The following PTCHD4 variants were observed in gnomAD, a reference collection of about 807,000 sequenced individuals.
PTCHD4 encodes the protein patched domain containing 4, also known as patched domain-containing protein 4.
Under a neutral mutation model 58.1 loss-of-function variants are expected in PTCHD4, and 33 were observed. That is an observed-to-expected ratio of 0.57 (90% confidence interval 0.43 to 0.76). PTCHD4 has a LOEUF of 0.76. Among genes scored for constraint, PTCHD4 ranks in the 30% least tolerant of loss-of-function variants. PTCHD4 has a pLI of 0.00. For missense variants in PTCHD4, 1,058 were observed against 1,027.1 expected (o/e 1.03, Z -0.41); for synonymous variants, 478 against 409.6 (o/e 1.17, Z -2.02).
intron 3 of PTCHD4, among the ~76,000 whole-genome samples, chr6:48,050,762 A>G (rs549038866): frequency 2.6e-5 from 4 of 152,120 alleles, no homozygotes; most frequent in Admixed American, 2.0e-4. Flanking sequence ...CAAAAAATTT[A>G]AAGAAAGAGA....
intron 4 of PTCHD4, among the ~76,000 whole-genome samples, chr6:47,915,002 C>T (rs763882439): frequency 6.6e-6 from 1 of 152,020 alleles, no homozygotes; most frequent in Non-Finnish European, 1.5e-5. Context: ...CTTCCTGAAT[C>T]TTTATGAGAA....
intron 3 of PTCHD4, among the ~76,000 whole-genome samples, chr6:48,047,559 T>G (rs618543): frequency 0.87 from 131,516 of 151,768 alleles, 56,966 homozygotes; most frequent in Middle Eastern, 0.88. Context: ...CAACTTGGTT[T>G]AACTGAGCTG....
At chr6:47,895,155 C>T (rs1285424357) in intron 4 of PTCHD4, among the ~76,000 whole-genome samples, 1 of 150,698 alleles carries the variant, frequency 6.6e-6, no homozygotes, top group African/African-American at 2.4e-5. Context: ...AAAAAAGAAA[C>T]AATAATAAAA....
intron 4 of PTCHD4, among the ~76,000 whole-genome samples, chr6:47,882,741 GAT>G (rs1554149146): frequency 2.7e-4 from 28 of 102,338 alleles, no homozygotes; most frequent in Admixed American, 6.0e-4. Context: ...TGATTCCAGT[GAT>G]ATATATATAT....
At chr6:47,920,025 C>T (rs1437252001) in intron 4 of PTCHD4, among the ~76,000 whole-genome samples, 1 of 152,062 alleles carries the variant, frequency 6.6e-6, no homozygotes, top group African/African-American at 2.4e-5. Context: ...CTTGAAGGAA[C>T]CCGGTCCCTG....
Position 47,907,594 on chromosome 6 carries a change from C to T in PTCHD4, c.899-27658G>A, listed in dbSNP as rs571880245. Among the ~76,000 whole-genome samples, 5 of 152,306 alleles carry T rather than the reference C, an allele frequency of 3.3e-5. No homozygotes were observed. The South Asian group carries it at 1.0e-3, about 32-fold the overall frequency. ...TGGAGAAGCCCATGACTTGGAAATG[C>T]CAAAAGGCACAGCCAAAAAGTCCTG... On this transcript the variant is annotated intron_variant, in intron 4 of 4. Coordinates refer to ENST00000339488, the MANE Select transcript of PTCHD4 (RefSeq NM_001384253.1).
At chr6:48,012,203 G>T (rs1039160539) in intron 3 of PTCHD4, among the ~76,000 whole-genome samples, 3 of 152,194 alleles carry the variant, frequency 2.0e-5, no homozygotes, top group Non-Finnish European at 4.4e-5. Flanking sequence ...CTATCCATGA[G>T]CATGGAATGT....
At chr6:48,078,914 C>T (rs1342519523) in intron 1 of PTCHD4, among the ~76,000 whole-genome samples, 1 of 151,880 alleles carries the variant, frequency 6.6e-6, no homozygotes, top group Non-Finnish European at 1.5e-5. Flanking sequence ...GTTAGGATAT[C>T]GAGACCATCG....
rs1429610719 is a variant in PTCHD4, at chr6:48,008,992, G to C, written c.540C>G (p.Gly180=). 2.5e-6 allele frequency: 4 copies of C among 1,613,976 alleles called. No individual in the cohort carries two copies. The highest frequency in any genetic ancestry group is 3.4e-6 in the Non-Finnish European group (4 of 1,179,884). ...CCCCTATGAGGTCTTGGGTGGCAGA[G>C]CCATAGGTCTGGAGGTAGTAGGTGA... is the stretch of plus-strand genomic sequence containing the variant. ...IQITYYLQTY[G]SATQDLIGEK... Residue 180 remains glycine (G), a synonymous_variant, in exon 4 of 5, where the codon GGC becomes GGG. Coordinates refer to ENST00000339488, the MANE Select transcript of PTCHD4 (RefSeq NM_001384253.1).
chr6:48,060,418 A>C (rs1289769068), intron 3 of PTCHD4, among the ~76,000 whole-genome samples: 1 of 152,166 alleles, frequency 6.6e-6, no homozygotes, highest in African/African-American at 2.4e-5. Flanking sequence ...AAACTATGAG[A>C]GCCCTTTACA....
At chr6:47,888,455 G>T (rs1170526100) in intron 4 of PTCHD4, among the ~76,000 whole-genome samples, 1 of 152,162 alleles carries the variant, frequency 6.6e-6, no homozygotes, top group African/African-American at 2.4e-5. Context: ...CACTCAGGAG[G>T]TTACAGGATT....
chr6:48,019,509 G>A (rs1413067745), intron 3 of PTCHD4, among the ~76,000 whole-genome samples: 2 of 152,138 alleles, frequency 1.3e-5, no homozygotes, highest in Admixed American at 6.5e-5. Flanking sequence ...GGTCAAGGAG[G>A]GCGGATTATG....
At chr6:48,096,087 A>G (rs1765465074) in intron 1 of PTCHD4, among the ~76,000 whole-genome samples, 1 of 152,238 alleles carries the variant, frequency 6.6e-6, no homozygotes, top group South Asian at 2.1e-4. Flanking sequence ...ATAGGCAGAC[A>G]AATCAATTAT....
intron 1 of PTCHD4, among the ~76,000 whole-genome samples, chr6:48,088,376 T>G (rs1765301355): frequency 6.6e-6 from 1 of 152,210 alleles, no homozygotes; most frequent in Non-Finnish European, 1.5e-5. Context: ...GTAAGTGATT[T>G]GTAGTTTACA....
chr6:47,922,213 T>C (rs978341558), intron 4 of PTCHD4, among the ~76,000 whole-genome samples: 1 of 152,214 alleles, frequency 6.6e-6, no homozygotes, highest in Non-Finnish European at 1.5e-5. Flanking sequence ...GTAGTTATTA[T>C]ATTCAAATTT....
chr6:48,010,100 T>C (rs1480542271), intron 3 of PTCHD4, among the ~76,000 whole-genome samples: 2 of 152,228 alleles, frequency 1.3e-5, no homozygotes, highest in African/African-American at 4.8e-5. Context: ...ACAACTATCA[T>C]TTATTTCAAT....
At position 48,008,621 on chromosome 6, in the gene PTCHD4, G is replaced by A; in HGVS notation, c.898+13C>T. ...CCGGTAAGAATCCGATTACCACAAG[G>A]ATGGATAGTTACCCATGGCGAAGAA... is the stretch of plus-strand genomic sequence containing the variant. On this transcript the variant is annotated intron_variant, in intron 4 of 4. Coordinates refer to ENST00000339488, the MANE Select transcript of PTCHD4 (RefSeq NM_001384253.1). 1 of 1,610,974 alleles carries A rather than the reference G, an allele frequency of 6.2e-7. No individual in the cohort carries two copies. Among genetic ancestry groups the A allele is most frequent in the Non-Finnish European group, 8.5e-7 (1 of 1,178,344 alleles).
chr6:48,103,165 T>C (rs1765643873), intron 1 of PTCHD4, among the ~76,000 whole-genome samples: 1 of 152,140 alleles, frequency 6.6e-6, no homozygotes, highest in Non-Finnish European at 1.5e-5. Flanking sequence ...CTCAAGTGGG[T>C]CCCTGACCCA....
intron 4 of PTCHD4, among the ~76,000 whole-genome samples, chr6:47,943,513 A>G (rs1237642757): frequency 6.6e-6 from 1 of 152,130 alleles, no homozygotes; most frequent in East Asian, 1.9e-4. Flanking sequence ...TATTGTATTA[A>G]TTATCAAGCA....
Sources: allele counts gnomAD v4.1 joint callset (sites outside exome capture counted in the v4.1 genomes callset), GRCh38; gene constraint gnomAD v4.1.1; transcripts MANE v1.5; gene names NCBI Gene and HGNC (gene_info 2026-07-23, HGNC 2026-07-21).